The following C10orf90 variants were observed in gnomAD, a reference collection of about 807,000 sequenced individuals.
C10orf90 encodes (E2-independent) E3 ubiquitin-conjugating enzyme FATS.
In C10orf90, 56 loss-of-function variants were observed where a neutral mutation model predicts 62.5. That is an observed-to-expected ratio of 0.90 (90% CI 0.72 to 1.12). C10orf90 has a LOEUF of 1.12. C10orf90 is among the 50% of genes most tolerant of loss of function. The pLI is 0.00. For missense variants in C10orf90, 970 were observed against 880.4 expected (o/e 1.10, Z -1.29); for synonymous variants, 386 against 340.4 (o/e 1.13, Z -1.47).
chr10:126,573,195 C>G (rs538663593), intron 2 of C10orf90, among the ~76,000 whole-genome samples: 14 of 152,160 alleles, frequency 9.2e-5, no homozygotes, highest in African/African-American at 3.1e-4. Flanking sequence ...GGGTCGTGAT[C>G]GATTGAGCAA....
intron 2 of C10orf90, among the ~76,000 whole-genome samples, chr10:126,531,304 G>T (rs552895312): frequency 6.8e-4 from 104 of 152,276 alleles, no homozygotes; most frequent in African/African-American, 2.4e-3. Context: ...GACATTTTTG[G>T]TTGTCACCTT....
chr10:126,490,572 T>C (rs1163308680), intron 4 of C10orf90, among the ~76,000 whole-genome samples: 1 of 152,092 alleles, frequency 6.6e-6, no homozygotes, highest in Non-Finnish European at 1.5e-5. Flanking sequence ...CAAAACAGTA[T>C]GAATGTACTT....
chr10:126,622,517 A>G (rs1023755751), intron 2 of C10orf90, among the ~76,000 whole-genome samples: 7 of 152,220 alleles, frequency 4.6e-5, no homozygotes, highest in African/African-American at 1.7e-4. Flanking sequence ...AGGAGGTACC[A>G]CTGCTAACGG....
chr10:126,429,698 G>A (rs754182719), intron 8 of C10orf90, 89 bp downstream of exon 8: 69 of 1,005,058 alleles, frequency 6.9e-5, no homozygotes, highest in Non-Finnish European at 1.0e-4. Flanking sequence ...GGACCTAGAA[G>A]CAGTGGTCCC....
chr10:126,555,945 C>A (rs1434479382), intron 2 of C10orf90, among the ~76,000 whole-genome samples: 3 of 152,194 alleles, frequency 2.0e-5, no homozygotes, highest in African/African-American at 7.2e-5. Flanking sequence ...CCATTTCACA[C>A]TTTAACCTGC....
At chr10:126,622,043 G>C (rs1845653631) in intron 2 of C10orf90, among the ~76,000 whole-genome samples, 2 of 151,850 alleles carry the variant, frequency 1.3e-5, no homozygotes, top group African/African-American at 4.8e-5. Context: ...TGGGTTGGTT[G>C]GGTCCTCCTC....
chr10:126,571,660 A>G (rs540668893), intron 2 of C10orf90, among the ~76,000 whole-genome samples: 15 of 152,216 alleles, frequency 9.9e-5, no homozygotes, highest in African/African-American at 3.6e-4. Flanking sequence ...AGCAAGTGGG[A>G]CCTGGGGCAC....
intron 2 of C10orf90, among the ~76,000 whole-genome samples, chr10:126,613,560 T>C (rs1435333558): frequency 6.6e-6 from 1 of 152,248 alleles, no homozygotes; most frequent in Non-Finnish European, 1.5e-5. Context: ...ATGACTATTT[T>C]AATCCACTGA....
intron 2 of C10orf90, among the ~76,000 whole-genome samples, chr10:126,543,767 T>C (rs1864428800): frequency 6.6e-6 from 1 of 152,212 alleles, no homozygotes; most frequent in South Asian, 2.1e-4. Flanking sequence ...GAAAGAAAGA[T>C]CAGTTTTCAT....
intron 2 of C10orf90, among the ~76,000 whole-genome samples, chr10:126,619,625 TG>T (rs1288675405): frequency 2.6e-5 from 4 of 152,168 alleles, no homozygotes; most frequent in African/African-American, 4.8e-5. Context: ...AAAACTTGGT[TG>T]TTTTTTTCTT....
chr10:126,576,869 A>G (rs1322016881), intron 2 of C10orf90, among the ~76,000 whole-genome samples: 2 of 150,840 alleles, frequency 1.3e-5, no homozygotes, highest in African/African-American at 4.9e-5. Flanking sequence ...ACTGAAGGAC[A>G]TTATTTTAAG....
intron 4 of C10orf90, among the ~76,000 whole-genome samples, chr10:126,501,972 CACACACACACCACACACGCAT>C (rs1218775701): frequency 1.3e-5 from 2 of 150,378 alleles, no homozygotes; most frequent in Non-Finnish European, 3.0e-5. Context: ...ATATACACCA[CACACACACACCACACACGCAT>C]ACACACACAC....
intron 2 of C10orf90, among the ~76,000 whole-genome samples, chr10:126,565,014 AT>A (rs1478783225): frequency 6.7e-5 from 1 of 15,008 alleles, no homozygotes; most frequent in Non-Finnish European, 1.3e-4. Context: ...AATATATATA[AT>A]ATATATTATA....
chr10:126,614,528 G>A (rs1845501792), intron 2 of C10orf90, among the ~76,000 whole-genome samples: 1 of 152,160 alleles, frequency 6.6e-6, no homozygotes, highest in Admixed American at 6.5e-5. Flanking sequence ...TCCCCTGCCT[G>A]TGGATTGAGG....
intron 2 of C10orf90, among the ~76,000 whole-genome samples, chr10:126,565,348 TA>T (rs1174012372): frequency 2.2e-4 from 15 of 66,994 alleles, no homozygotes; most frequent in South Asian, 6.7e-4. Flanking sequence ...ATATAATATA[TA>T]ATATATAATA....
intron 7 of C10orf90, among the ~76,000 whole-genome samples, chr10:126,430,818 G>C (rs1157460913): frequency 6.6e-6 from 1 of 152,168 alleles, no homozygotes; most frequent in African/African-American, 2.4e-5. Flanking sequence ...TCCAACCCAG[G>C]CCTGTCCCTT....
At chr10:126,670,189 T>A in intron 1 of C10orf90, 52 bp downstream of exon 1, 1 of 445,140 alleles carries the variant, frequency 2.2e-6, no homozygotes. Context: ...AACACGTCCA[T>A]CTCTCTCTGA....
intron 2 of C10orf90, among the ~76,000 whole-genome samples, chr10:126,579,932 T>A (rs1844711352): frequency 6.6e-6 from 1 of 152,158 alleles, no homozygotes. Context: ...CAATCTTTTA[T>A]ATGAAGCTGA....
chr10:126,616,103 C>A (rs1213243559), intron 2 of C10orf90, among the ~76,000 whole-genome samples: 1 of 152,240 alleles, frequency 6.6e-6, no homozygotes, highest in East Asian at 1.9e-4. Context: ...AGGCCCCCCA[C>A]CACCCAAGAC....
Sources: gnomAD v4.1 joint callset for allele counts (sites outside exome capture counted in the v4.1 genomes callset) on GRCh38, gnomAD v4.1.1 for gene constraint, MANE v1.5 for transcripts, NCBI Gene and HGNC (gene_info 2026-07-23, HGNC 2026-07-21) for gene names.